SYNPR: variants seen among roughly 807,000 people sequenced by gnomAD.
SYNPR encodes synaptoporin.
Under a neutral mutation model 32.9 loss-of-function variants are expected in SYNPR, and 23 were observed. The ratio of observed to expected loss-of-function variants is 0.70; its 90% confidence interval spans 0.50 to 0.99. The LOEUF (loss-of-function observed/expected upper bound fraction) is 0.99. Ranked by LOEUF, SYNPR falls within the 50% of genes least tolerant of loss-of-function variation. The pLI is 0.00. For synonymous variants in SYNPR, 146 were observed against 135.9 expected, an observed-to-expected ratio of 1.07 and a Z score of -0.52; for missense variants, 318 against 349.3, an observed-to-expected ratio of 0.91 and a Z score of 0.71.
chr3:63,313,266 CAT>C (rs1370945255), intron 2 of SYNPR, among the ~76,000 whole-genome samples: 1 of 151,764 alleles, frequency 6.6e-6, no homozygotes, highest in Non-Finnish European at 1.5e-5. Context: ...TATCTGGTCA[CAT>C]GAGTAAGTTC....
chr3:63,473,608 T>C (rs1352625081), intron 2 of SYNPR, among the ~76,000 whole-genome samples: 1 of 152,036 alleles, frequency 6.6e-6, no homozygotes, highest in African/African-American at 2.4e-5. Context: ...TGTTAAAAAA[T>C]AGAATAATGG....
intron 2 of SYNPR, among the ~76,000 whole-genome samples, chr3:63,360,922 A>C (rs1180808161): frequency 6.6e-6 from 1 of 152,162 alleles, no homozygotes; most frequent in Non-Finnish European, 1.5e-5. Context: ...TGTCTGTTTA[A>C]TCATTAGAAT....
chr3:63,441,727 A>G (rs765633837), intron 2 of SYNPR, among the ~76,000 whole-genome samples: 3 of 152,160 alleles, frequency 2.0e-5, no homozygotes, highest in Non-Finnish European at 4.4e-5. Flanking sequence ...AGAATTTCAA[A>G]GGGGCCATGG....
intron 4 of SYNPR, among the ~76,000 whole-genome samples, chr3:63,601,782 G>T (rs1451827520): frequency 6.6e-6 from 1 of 152,224 alleles, no homozygotes; most frequent in African/African-American, 2.4e-5. Context: ...GAATAGTGTG[G>T]CAGTAAACAT....
At chr3:63,265,102 G>A (rs774019410) in intron 2 of SYNPR, among the ~76,000 whole-genome samples, 15 of 152,208 alleles carry the variant, frequency 9.9e-5, no homozygotes, top group Non-Finnish European at 1.8e-4. Context: ...ATTCTGTAGC[G>A]TGCAGGCACA....
the SYNPR span, among the ~76,000 whole-genome samples, chr3:63,202,899 A>C: frequency 6.6e-6 from 1 of 151,958 alleles, no homozygotes; most frequent in Non-Finnish European, 1.5e-5. Flanking sequence ...CTTGGAACAC[A>C]GTTTGGGAAA....
chr3:63,464,427 T>C (rs1700641624), intron 2 of SYNPR, among the ~76,000 whole-genome samples: 1 of 152,226 alleles, frequency 6.6e-6, no homozygotes, highest in South Asian at 2.1e-4. Context: ...GTTTCATTTT[T>C]ACTTAATTTA....
At chr3:63,461,347 C>T (rs912195166) in intron 2 of SYNPR, among the ~76,000 whole-genome samples, 3 of 152,136 alleles carry the variant, frequency 2.0e-5, no homozygotes, top group African/African-American at 4.8e-5. Flanking sequence ...TCCTCCTACT[C>T]CCTCTGGCAT....
intron 2 of SYNPR, among the ~76,000 whole-genome samples, chr3:63,386,515 G>A (rs9841056): frequency 0.66 from 100,909 of 152,020 alleles, 34,040 homozygotes; most frequent in East Asian, 0.8. Context: ...TTGTTTAATT[G>A]TAATATAGTC....
chr3:63,540,917 C>CACACA (rs1372340709), intron 3 of SYNPR, among the ~76,000 whole-genome samples: 1 of 106,392 alleles, frequency 9.4e-6, no homozygotes, highest in Non-Finnish European at 2.0e-5. Flanking sequence ...CACACACACA[C>CACACA]AATCCCCCCC....
chr3:63,372,448 G>A (rs923261040), intron 2 of SYNPR, among the ~76,000 whole-genome samples: 3 of 152,140 alleles, frequency 2.0e-5, no homozygotes, highest in African/African-American at 4.8e-5. Flanking sequence ...CTGGATTGGG[G>A]AAGTAGCAAA....
chr3:63,504,385 G>C (rs1425050215), intron 3 of SYNPR, among the ~76,000 whole-genome samples: 1 of 152,096 alleles, frequency 6.6e-6, no homozygotes. Flanking sequence ...GTGATTCACA[G>C]AATAGAAGAA....
intron 2 of SYNPR, among the ~76,000 whole-genome samples, chr3:63,343,039 A>G (rs1026592334): frequency 2.6e-5 from 4 of 152,230 alleles, no homozygotes; most frequent in Non-Finnish European, 5.9e-5. Context: ...GAAGGGATCA[A>G]TCATGGAAAA....
intron 1 of SYNPR, among the ~76,000 whole-genome samples, chr3:63,245,700 AGAGAGAGAGAGTGTGT>A (rs1475579303): frequency 6.3e-4 from 48 of 76,446 alleles, no homozygotes; most frequent in South Asian, 2.3e-3. Context: ...AGAGAGAGAG[AGAGAGAGAGAGTGTGT>A]GTGTGTGTGT....
chr3:63,253,003 C>T (rs2086346929), intron 2 of SYNPR, among the ~76,000 whole-genome samples: 1 of 147,726 alleles, frequency 6.8e-6, no homozygotes, highest in South Asian at 2.1e-4. Flanking sequence ...TATGTGACTG[C>T]ACTCCAGCCT....
upstream of SYNPR, chr3:63,278,304 G>T (rs1408542841): frequency 3.5e-6 from 2 of 576,292 alleles, no homozygotes; most frequent in Non-Finnish European, 6.2e-6. Flanking sequence ...GCTCTTCCCT[G>T]CCCACCCCTC....
At chr3:63,414,811 T>C (rs1399847137) in intron 2 of SYNPR, among the ~76,000 whole-genome samples, 1 of 152,222 alleles carries the variant, frequency 6.6e-6, no homozygotes, top group Non-Finnish European at 1.5e-5. Flanking sequence ...ATGAAGTTAG[T>C]CAGCCAATGT....
intron 2 of SYNPR, among the ~76,000 whole-genome samples, chr3:63,416,710 G>A (rs1004086312): frequency 1.3e-5 from 2 of 152,070 alleles, no homozygotes; most frequent in Non-Finnish European, 2.9e-5. Context: ...AATTATGGTG[G>A]AAGACAAGGA....
intron 2 of SYNPR, among the ~76,000 whole-genome samples, chr3:63,452,769 C>T (rs1372026337): frequency 1.3e-5 from 2 of 152,028 alleles, no homozygotes. Context: ...TGCGTTTGAC[C>T]CCAAGTCTAG....
Sources: allele counts gnomAD v4.1 joint callset (sites outside exome capture counted in the v4.1 genomes callset), GRCh38; gene constraint gnomAD v4.1.1; transcripts MANE v1.5; gene names NCBI Gene and HGNC (gene_info 2026-07-23, HGNC 2026-07-21).